Variants in LDB2 observed in about 807,000 individuals in gnomAD.
LDB2 encodes LIM domain binding 2.
In LDB2, 12 loss-of-function variants were observed where a neutral mutation model predicts 44.3. That is an observed-to-expected ratio of 0.27 (90% CI 0.17 to 0.44). The LOEUF (loss-of-function observed/expected upper bound fraction) is 0.44, where lower values mean the gene tolerates loss of function less well. LDB2 is among the 20% of genes least tolerant of loss of function. The probability of loss-of-function intolerance (pLI) is 1.00; values close to 1 mark genes in which losing one functional copy is unlikely to be tolerated. For synonymous variants in LDB2, 164 were observed against 174.8 expected (o/e 0.94, Z 0.49); for missense variants, 344 against 473.5 (o/e 0.73, Z 2.54).
intron 2 of LDB2, among the ~76,000 whole-genome samples, chr4:16,599,536 G>A (rs2152446870): frequency 6.6e-6 from 1 of 152,140 alleles, no homozygotes; most frequent in East Asian, 1.9e-4. Flanking sequence ...CAGATACCAG[G>A]AATTCAAACA....
At chr4:16,660,063 G>A (rs996395758) in intron 2 of LDB2, among the ~76,000 whole-genome samples, 4 of 152,068 alleles carry the variant, frequency 2.6e-5, no homozygotes, top group African/African-American at 9.7e-5. Flanking sequence ...CATGACTGAG[G>A]GACTGCTACT....
intron 2 of LDB2, among the ~76,000 whole-genome samples, chr4:16,598,592 G>GTGT (rs1403057235): frequency 2.0e-5 from 3 of 152,108 alleles, no homozygotes; most frequent in African/African-American, 7.2e-5. Flanking sequence ...ATGTGTTGAG[G>GTGT]TGTTTTTTTA....
At chr4:16,669,698 A>T (rs893779985) in intron 2 of LDB2, among the ~76,000 whole-genome samples, 1 of 152,248 alleles carries the variant, frequency 6.6e-6, no homozygotes, top group East Asian at 1.9e-4. Context: ...AATTAGTGAC[A>T]GAGCCAGAAT....
intron 2 of LDB2, among the ~76,000 whole-genome samples, 190 bp downstream of exon 2, chr4:16,758,968 T>G (rs1767287941): frequency 6.6e-6 from 1 of 152,070 alleles, no homozygotes; most frequent in Non-Finnish European, 1.5e-5. Flanking sequence ...ATTCTAAGCC[T>G]CGAAGGAAAC....
intron 2 of LDB2, among the ~76,000 whole-genome samples, chr4:16,625,640 T>C (rs1381761106): frequency 2.0e-5 from 3 of 152,162 alleles, no homozygotes; most frequent in African/African-American, 7.2e-5. Flanking sequence ...AATAAAGTCT[T>C]TGGGCAGTAC....
At chr4:16,814,314 C>A (rs974185637) in intron 1 of LDB2, among the ~76,000 whole-genome samples, 4 of 152,160 alleles carry the variant, frequency 2.6e-5, no homozygotes, top group Non-Finnish European at 4.4e-5. Context: ...TCCAGGGCAA[C>A]CATGTGTCAA....
intron 6 of LDB2, among the ~76,000 whole-genome samples, chr4:16,511,530 CCTT>C (rs1359037984): frequency 2.6e-5 from 4 of 151,972 alleles, no homozygotes; most frequent in African/African-American, 4.8e-5. Flanking sequence ...TCTTTCCATC[CCTT>C]CTTTTTTCTC....
intron 2 of LDB2, among the ~76,000 whole-genome samples, chr4:16,711,259 G>A (rs1755806781): frequency 1.3e-5 from 2 of 152,216 alleles, no homozygotes; most frequent in African/African-American, 4.8e-5. Flanking sequence ...GTTTAGGGAA[G>A]AATCACGGCA....
chr4:16,575,400 G>A (rs1747934141), intron 5 of LDB2, among the ~76,000 whole-genome samples: 2 of 152,168 alleles, frequency 1.3e-5, no homozygotes, highest in Admixed American at 6.5e-5. Flanking sequence ...CACTCTTCCA[G>A]ACAGAGAGTC....
At chr4:16,756,660 T>C (rs962987358) in intron 2 of LDB2, among the ~76,000 whole-genome samples, 1 of 152,184 alleles carries the variant, frequency 6.6e-6, no homozygotes, top group Non-Finnish European at 1.5e-5. Context: ...AAATATTTAT[T>C]GAGCTACCTA....
chr4:16,537,254 AAC>A lies in LDB2; in HGVS notation c.616-25152_616-25151del, dbSNP rs1221768497. On this transcript the variant is annotated intron_variant, in intron 5 of 7. Coordinates refer to ENST00000304523, the MANE Select transcript of LDB2 (RefSeq NM_001290.5). ...GGGAGAGTTTGACAGGGAGAAGGAA[AAC>A]ACAATGTAGTTTTTACTAAGAAACC... is the stretch of plus-strand genomic sequence containing the variant. Among the ~76,000 whole-genome samples the A allele has an allele frequency of 2.0e-5, 3 of 152,186 alleles. No individual in the cohort carries two copies. In the East Asian group the frequency reaches 5.8e-4, roughly 29 times the overall value.
At chr4:16,527,018 GATA>G (rs1354983595) in intron 5 of LDB2, among the ~76,000 whole-genome samples, 3 of 152,182 alleles carry the variant, frequency 2.0e-5, no homozygotes, top group Admixed American at 6.5e-5. Context: ...CTGAATTTCA[GATA>G]ATAAACAATA....
At chr4:16,766,935 C>G (rs745930132) in intron 1 of LDB2, among the ~76,000 whole-genome samples, 6 of 152,146 alleles carry the variant, frequency 3.9e-5, no homozygotes, top group Non-Finnish European at 8.8e-5. Context: ...TTTTGGTCAT[C>G]CCAACAATGC....
intron 1 of LDB2, among the ~76,000 whole-genome samples, chr4:16,805,477 G>A (rs1171578143): frequency 2.0e-5 from 3 of 152,110 alleles, no homozygotes; most frequent in Admixed American, 2.0e-4. Flanking sequence ...GCTTATTCAG[G>A]GTGTCCAGTG....
In LDB2 at chr4:16,599,247, T is replaced by A. The variant is rs958199769; in HGVS notation, c.236-3372A>T. Among the ~76,000 whole-genome samples the A allele has an allele frequency of 2.0e-5, 3 of 152,182 alleles. 1 individual carries two copies. Among genetic ancestry groups the A allele is most frequent in the African/African-American group, 7.2e-5 (3 of 41,454 alleles). Reference sequence around the variant, plus strand: ...TTGTCAGCAGGGCTGAATTCCTTTCTGGAGGTTCTCAGGGAGAATCTATCT... The same window carrying A: ...TTGTCAGCAGGGCTGAATTCCTTTCAGGAGGTTCTCAGGGAGAATCTATCT... On this transcript the variant is annotated intron_variant, in intron 2 of 7. Transcript: ENST00000304523.
intron 1 of LDB2, among the ~76,000 whole-genome samples, chr4:16,843,652 C>T (rs796078235): frequency 2.6e-5 from 4 of 152,226 alleles, no homozygotes; most frequent in East Asian, 1.9e-4. Flanking sequence ...GACAGAGTCT[C>T]GCTCTGTTCC....
At position 16,628,450 on chromosome 4, in the gene LDB2, T is replaced by C. The variant is rs539759403; in HGVS notation, c.236-32575A>G. 2.7e-3 allele frequency among the ~76,000 whole-genome samples: 414 copies of C among 152,276 alleles called. 4 individuals are homozygous for C. The highest frequency in any genetic ancestry group is 9.3e-3 in the African/African-American group (387 of 41,556). On this transcript the variant is annotated intron_variant, in intron 2 of 7. Transcript: ENST00000304523. ...AGGTACTGATTTTCCAAATTGATAG[T>C]GTATTTGCATCAGATCCATCTTCCT...
intron 2 of LDB2, among the ~76,000 whole-genome samples, chr4:16,719,662 C>T (rs2152679859): frequency 6.6e-6 from 1 of 152,190 alleles, no homozygotes; most frequent in Middle Eastern, 3.4e-3. Context: ...TAACCAATCC[C>T]TAATGCAGCA....
At chr4:16,538,355 T>C (rs1310281740) in intron 5 of LDB2, among the ~76,000 whole-genome samples, 1 of 151,938 alleles carries the variant, frequency 6.6e-6, no homozygotes, top group Non-Finnish European at 1.5e-5. Context: ...CTTCCAATCC[T>C]GCTGCCCAGG....
Sources: gnomAD v4.1 joint callset for allele counts (sites outside exome capture counted in the v4.1 genomes callset) on GRCh38, gnomAD v4.1.1 for gene constraint, MANE v1.5 for transcripts, NCBI Gene and HGNC (gene_info 2026-07-23, HGNC 2026-07-21) for gene names.